Variants in GANC observed in about 807,000 individuals in gnomAD.
GANC encodes the protein glucosidase alpha, neutral C.
A neutral mutation model predicts 124.2 loss-of-function variants in GANC; 117 were observed. That is an observed-to-expected ratio of 0.94 (90% CI 0.81 to 1.10). GANC has a LOEUF of 1.10. Ranked by LOEUF, GANC falls within the 50% of genes least tolerant of loss-of-function variation. The pLI is 0.00. For synonymous variants in GANC, 377 were observed against 376.8 expected, an observed-to-expected ratio of 1.00 and a Z score of -0.01; for missense variants, 1,140 against 1,095.0, an observed-to-expected ratio of 1.04 and a Z score of -0.58.
intron 10 of GANC, among the ~76,000 whole-genome samples, chr15:42,312,193 G>A (rs1392563936): frequency 6.6e-6 from 1 of 152,048 alleles, no homozygotes; most frequent in Non-Finnish European, 1.5e-5. Context: ...AATTGCACAG[G>A]GACCTGAATA....
chr15:42,333,909 T>C (rs558907620), intron 15 of GANC, among the ~76,000 whole-genome samples: 5 of 152,296 alleles, frequency 3.3e-5, no homozygotes, highest in Admixed American at 1.3e-4. Context: ...CATAGATCAA[T>C]TGAACAGAGT....
At chr15:42,312,275 C>T (rs2052057833) in intron 10 of GANC, among the ~76,000 whole-genome samples, 1 of 152,210 alleles carries the variant, frequency 6.6e-6, no homozygotes, top group Non-Finnish European at 1.5e-5. Flanking sequence ...GCTGTTTCCC[C>T]ACCCAAATCT....
At chr15:42,308,095 A>C in intron 7 of GANC, 127 bp from the exon 8 acceptor site, 2 of 569,396 alleles carry the variant, frequency 3.5e-6, no homozygotes, top group East Asian at 5.2e-5. Flanking sequence ...AGCATTTGCT[A>C]ATTGATCTAG....
At chr15:42,297,854 T>G (rs1169399392) in intron 6 of GANC, among the ~76,000 whole-genome samples, 198 bp downstream of exon 6, 1 of 152,070 alleles carries the variant, frequency 6.6e-6, no homozygotes, top group African/African-American at 2.4e-5. Flanking sequence ...CATTCATTCA[T>G]TCATTCATAA....
Position 42,321,662 on chromosome 15 carries a change from TCTC to T in GANC, c.1058-120_1058-118del, listed in dbSNP as rs1206327378. ...CTTAAAGGCAAGGACTGTGCTTTCT[TCTC>T]CTTGTTATTCTAAGCATAAGCTCAG... On this transcript the variant is annotated intron_variant, in intron 10 of 23. Coordinates refer to ENST00000318010, the MANE Select transcript of GANC (RefSeq NM_198141.3). The T allele has an allele frequency of 3.6e-6, 3 of 824,440 alleles. No homozygotes were observed. The African/African-American group carries it at 5.1e-5, about 14-fold the overall frequency. 51.1% of individuals were successfully genotyped at this position (824,440 alleles called of 1,614,324 possible).
chr15:42,273,763 A>G lies in GANC; in HGVS notation c.-719A>G, dbSNP rs1011553601. The G allele has an allele frequency of 1.8e-5, 4 of 228,318 alleles. No individual in the cohort carries two copies. The highest frequency in any genetic ancestry group is 1.4e-4 in the South Asian group (2 of 14,656). 14.1% of individuals were successfully genotyped at this position (228,318 alleles called of 1,614,324 possible). On this transcript the variant is annotated 5_prime_UTR_variant, in exon 1 of 24. It removes an upstream start codon present in the reference 5' UTR. Coordinates refer to ENST00000318010, the MANE Select transcript of GANC (RefSeq NM_198141.3). ...CCAGCCCTTCATCCCTTCTAAGTCA[A>G]TGTCAGACTTTGGGGCCAGAAAGTC...
intron 10 of GANC, 62 bp downstream of exon 10, chr15:42,310,908 T>A (rs2052044729): frequency 1.3e-6 from 2 of 1,537,750 alleles, no homozygotes; most frequent in Admixed American, 3.4e-5. Context: ...CCATGTGTCA[T>A]CACGGTAAGT....
chr15:42,293,410 C>A (rs979570279), intron 5 of GANC, among the ~76,000 whole-genome samples: 3 of 152,016 alleles, frequency 2.0e-5, no homozygotes, highest in Admixed American at 6.6e-5. Flanking sequence ...GTTTTTAAAT[C>A]TTTTAGTCTA....
At chr15:42,281,735 TTAAC>T (rs1441789227) in intron 3 of GANC, among the ~76,000 whole-genome samples, 3 of 152,138 alleles carry the variant, frequency 2.0e-5, no homozygotes, top group African/African-American at 7.2e-5. Flanking sequence ...AAATTACAGA[TTAAC>T]TTACTTATGA....
At chr15:42,327,832 T>C (rs1166270438) in intron 13 of GANC, among the ~76,000 whole-genome samples, 1 of 152,218 alleles carries the variant, frequency 6.6e-6, no homozygotes, top group Non-Finnish European at 1.5e-5. Context: ...GTATGATTTT[T>C]AAATAATCTG....
chr15:42,343,299 C>T (rs2052341183), intron 19 of GANC, 145 bp downstream of exon 19: 1 of 678,038 alleles, frequency 1.5e-6, no homozygotes, highest in African/African-American at 1.8e-5. Flanking sequence ...GTCATGACCA[C>T]TGTCCTCAGA....
Position 42,339,678 on chromosome 15 carries a change from G to T in GANC, c.1853G>T (p.Gly618Val). Residue 618 changes from glycine to valine, a missense_variant, in exon 17 of 24, where the codon GGC becomes GTC. Physicochemically the swap from Gly to Val is moderately radical, Grantham distance 109 (BLOSUM62 -3). Transcript: ENST00000318010. ...CTTCTTTTGCTTCCAGCTGACATAG[G>T]CGGGTTCATTGGGAATCCAGAGACA... is the stretch of plus-strand genomic sequence containing the variant. ...TGISFCGADIGGFIGNPETEL... is the reference protein window; with the variant it reads ...TGISFCGADIVGFIGNPETEL... 1 of 1,612,738 alleles carries T rather than the reference G, an allele frequency of 6.2e-7. No homozygotes were observed. Among genetic ancestry groups the T allele is most frequent in the South Asian group, 1.1e-5 (1 of 91,066 alleles).
At chr15:42,328,608 G>A (rs968614164) in intron 13 of GANC, among the ~76,000 whole-genome samples, 3 of 152,072 alleles carry the variant, frequency 2.0e-5, no homozygotes, top group African/African-American at 7.2e-5. Flanking sequence ...AGCTAGGTAG[G>A]CTCTGCGAGG....
chr15:42,286,436 A>T (rs2051789301), intron 3 of GANC, among the ~76,000 whole-genome samples: 1 of 152,252 alleles, frequency 6.6e-6, no homozygotes, highest in South Asian at 2.1e-4. Flanking sequence ...ATAGTGAGAA[A>T]ATACATAATC....
chr15:42,349,969 A>C (rs2052409706), intron 22 of GANC, among the ~76,000 whole-genome samples: 2 of 139,426 alleles, frequency 1.4e-5, no homozygotes, highest in Admixed American at 7.2e-5. Flanking sequence ...GTATTTTTCA[A>C]CCTTTCTACC....
intron 5 of GANC, among the ~76,000 whole-genome samples, chr15:42,294,036 G>A (rs989220441): frequency 3.3e-5 from 5 of 151,622 alleles, no homozygotes; most frequent in African/African-American, 9.8e-5. Flanking sequence ...GGGCAACAGA[G>A]CGAGATTCTG....
At chr15:42,310,509 A>G (rs2052040439) in intron 9 of GANC, 46 bp downstream of exon 9, 1 of 1,531,278 alleles carries the variant, frequency 6.5e-7, no homozygotes, top group Non-Finnish European at 8.8e-7. Flanking sequence ...AGAAGAAACA[A>G]AACCACTGCA....
rs1487628959 is a variant in GANC, at chr15:42,339,859, A to G, written c.2034A>G (p.Pro678=). ...EAIRERYGLL[P]YWYSLFYHAH... Reference sequence around the variant, plus strand: ...TCAGAGAGCGCTATGGCCTCCTGCCATATTGGTATTCTCTGTTCTACCATG... The same window carrying G: ...TCAGAGAGCGCTATGGCCTCCTGCCGTATTGGTATTCTCTGTTCTACCATG... The change falls in exon 17 of 24, where the codon CCA becomes CCG. Residue 678 remains proline, a synonymous_variant. Coordinates refer to ENST00000318010, the MANE Select transcript of GANC (RefSeq NM_198141.3). The G allele has an allele frequency of 5.0e-6, 8 of 1,614,062 alleles. No homozygotes were observed. The highest frequency in any genetic ancestry group is 2.2e-5 in the East Asian group (1 of 44,890).
chr15:42,327,487 G>A (rs766622986), intron 13 of GANC, 45 bp downstream of exon 13: 44 of 1,348,936 alleles, frequency 3.3e-5, no homozygotes, highest in Middle Eastern at 1.8e-4. Flanking sequence ...CTGAAAGAGT[G>A]AAAGAAGTGG....
Sources: allele counts gnomAD v4.1 joint callset (sites outside exome capture counted in the v4.1 genomes callset), GRCh38; gene constraint gnomAD v4.1.1; transcripts MANE v1.5; gene names NCBI Gene and HGNC (gene_info 2026-07-23, HGNC 2026-07-21).